Variants in MAS1 observed in about 807,000 individuals in gnomAD.
MAS1 encodes the protein proto-oncogene Mas.
For missense variants in MAS1, 387 were observed against 409.7 expected (o/e 0.94, Z 0.48); for synonymous variants, 163 against 164.2 (o/e 0.99, Z 0.05).
chr6:159,905,334 C>T (rs1368392467), intron 2 of MAS1, among the ~76,000 whole-genome samples: 1 of 152,206 alleles, frequency 6.6e-6, no homozygotes, highest in Admixed American at 6.5e-5. Flanking sequence ...GGCATGCGAG[C>T]TCTCATCCTG....
At chr6:159,892,544 T>C (rs1044851509) in intron 1 of MAS1, among the ~76,000 whole-genome samples, 2 of 152,118 alleles carry the variant, frequency 1.3e-5, no homozygotes, top group South Asian at 4.1e-4. Context: ...CTCAACTGAA[T>C]GGGAATGTGG....
At position 159,907,729 on chromosome 6, in the gene MAS1, T is replaced by G. The variant is rs377705823; in HGVS notation, c.774T>G (p.Phe258Leu). The change falls in exon 3 of 3, where the codon TTT becomes TTG. Residue 258 changes from phenylalanine to leucine, a missense_variant. Phe to Leu is a conservative substitution (Grantham distance 22). Coordinates refer to ENST00000674077, the MANE Select transcript of MAS1 (RefSeq NM_002377.4). ...TGTACTATGAGTATTGGTCGACCTT[T>G]GGGAACCTACACCACATTTCCCTGC... ...YLLYYEYWST[F>L]GNLHHISLLF... The G allele has an allele frequency of 6.2e-7, 1 of 1,613,542 alleles. No homozygotes were observed. Among genetic ancestry groups the G allele is most frequent in the African/African-American group, 1.3e-5 (1 of 74,748 alleles).
chr6:159,895,752 A>T (rs1782748179), intron 1 of MAS1, among the ~76,000 whole-genome samples: 1 of 152,242 alleles, frequency 6.6e-6, no homozygotes, highest in Non-Finnish European at 1.5e-5. Flanking sequence ...TGTGAAAAAA[A>T]CTTTATATAC....
Position 159,909,351 on chromosome 6 carries a change from G to T in MAS1, c.*1418G>T, listed in dbSNP as rs189767496. Reference sequence around the variant, plus strand: ...ATTTGCTCTTTAAAAGGTCAGAGAGGCAGTGATGTAATTGTTCTCTGTTGC... The same window carrying T: ...ATTTGCTCTTTAAAAGGTCAGAGAGTCAGTGATGTAATTGTTCTCTGTTGC... On this transcript the variant is annotated 3_prime_UTR_variant, in exon 3 of 3. Coordinates refer to ENST00000674077, the MANE Select transcript of MAS1 (RefSeq NM_002377.4). The T allele has an allele frequency of 6.6e-6, 1 of 152,228 alleles. No individual in the cohort carries two copies. The highest frequency in any genetic ancestry group is 2.4e-5 in the African/African-American group (1 of 41,456). 9.4% of individuals were successfully genotyped at this position (152,228 alleles called of 1,614,324 possible).
rs750651786 is a variant in MAS1 at position 159,911,207 on chromosome 6, C to A, written c.*3274C>A. The A allele has an allele frequency of 1.3e-5, 2 of 152,200 alleles. No individual in the cohort carries two copies. Among genetic ancestry groups the A allele is most frequent in the Non-Finnish European group, 2.9e-5 (2 of 68,102 alleles). The allele number at this position is 152,200 out of a possible 1,614,324, so 9.4% of individuals were successfully genotyped here. A position where few individuals can be genotyped will look rare whatever the true frequency, so the allele number is the denominator to read the frequency against. On this transcript the variant is annotated 3_prime_UTR_variant, in exon 3 of 3. Coordinates refer to ENST00000674077, the MANE Select transcript of MAS1 (RefSeq NM_002377.4). ...CAAATAGACATTTGCTGACCAGAAC[C>A]CTTTGCTGGGCTCCAGTCCTGTGTG...
rs912133340 is a variant in MAS1, at chr6:159,913,698, A to G, written c.*5765A>G. ...AGTCTCCTGAGACTTAGCTTTTCCT[A>G]AAGGCCAAAAATCAGCTATTGGGGT... On this transcript the variant is annotated 3_prime_UTR_variant, in exon 3 of 3. Coordinates refer to ENST00000674077, the MANE Select transcript of MAS1 (RefSeq NM_002377.4). 1.3e-5 allele frequency: 2 copies of G among 152,238 alleles called. No individual in the cohort carries two copies. The highest frequency in any genetic ancestry group is 4.8e-5 in the African/African-American group (2 of 41,462). 9.4% of individuals were successfully genotyped at this position (152,238 alleles called of 1,614,324 possible).
upstream of MAS1, among the ~76,000 whole-genome samples, chr6:159,890,188 T>C (rs1185399219): frequency 6.6e-6 from 1 of 151,978 alleles, no homozygotes; most frequent in Non-Finnish European, 1.5e-5. Flanking sequence ...ATTTGAAAAA[T>C]GGGTAACATA....
rs1251013253 is a variant in MAS1, at chr6:159,910,685, A to T, written c.*2752A>T. On this transcript the variant is annotated 3_prime_UTR_variant, in exon 3 of 3. Transcript: ENST00000674077. ...AAATAGACTCAAATTGCTTCCACCTAACCAGAAGCCATTCCTTGCCCCACA... is the reference window on the plus strand; with the variant it reads ...AAATAGACTCAAATTGCTTCCACCTTACCAGAAGCCATTCCTTGCCCCACA... 6.6e-6 allele frequency: 1 copy of T among 152,058 alleles called. No homozygotes were observed. Among genetic ancestry groups the T allele is most frequent in the African/African-American group, 2.4e-5 (1 of 41,392 alleles). The allele number at this position is 152,058 out of a possible 1,614,324, so 9.4% of individuals were successfully genotyped here.
Position 159,907,613 on chromosome 6 carries a change from G to A in MAS1, c.658G>A (p.Ala220Thr), listed in dbSNP as rs1413806643. ...LVVKIRKNTW[A>T]SHSSKLYIVI... The stretch of plus-strand genomic sequence containing the variant: ...CGTGAAGATCCGGAAGAACACGTGG[G>A]CTTCCCATTCCTCCAAGCTTTACAT... The change falls in exon 3 of 3, where the codon GCT becomes ACT. Residue 220 changes from alanine to threonine, a missense_variant. Physicochemically the swap from Ala to Thr is moderately conservative, Grantham distance 58. Transcript: ENST00000674077. The A allele has an allele frequency of 5.6e-6, 9 of 1,613,466 alleles. No homozygotes were observed. In the South Asian group the frequency reaches 6.6e-5, roughly 12 times the overall value.
chr6:159,905,364 C>A (rs976605693), intron 2 of MAS1, among the ~76,000 whole-genome samples: 1 of 152,188 alleles, frequency 6.6e-6, no homozygotes, highest in Non-Finnish European at 1.5e-5. Context: ...TTTTCCGGGT[C>A]TCTGTCTACT....
chr6:159,907,248 C>T lies in MAS1; in HGVS notation c.293C>T (p.Ser98Phe), dbSNP rs762016372. The T allele has an allele frequency of 6.2e-7, 1 of 1,614,204 alleles. No homozygotes were observed. The highest frequency in any genetic ancestry group is 1.3e-5 in the African/African-American group (1 of 75,034). The change falls in exon 3 of 3, where the codon TCT becomes TTT. Residue 98 changes from serine to phenylalanine, a missense_variant. Physicochemically the swap from Ser to Phe is radical, Grantham distance 155. Transcript: ENST00000674077. ...GACTATGCTTTAGATTATGAGCTTT[C>T]TTCTGGCCATTACTACACAATTGTC... ...SIDYALDYEL[S>F]SGHYYTIVTL...
upstream of MAS1, among the ~76,000 whole-genome samples, chr6:159,889,066 G>C (rs1252832348): frequency 6.6e-6 from 1 of 152,172 alleles, no homozygotes; most frequent in African/African-American, 2.4e-5. Flanking sequence ...TGGGGGCAAA[G>C]AGAGCCACCT....
rs1471151565 is a variant in MAS1, at chr6:159,909,999, TC to T, written c.*2069del. 1.3e-5 allele frequency: 2 copies of T among 152,180 alleles called. No homozygotes were observed. Among genetic ancestry groups the T allele is most frequent in the Non-Finnish European group, 2.9e-5 (2 of 68,024 alleles). 9.4% of individuals were successfully genotyped at this position (152,180 alleles called of 1,614,324 possible). ...TCTTTCTGTCTTCCCCCAAACCCAT[TC>T]CCAAAGTGAACTGTAAGGTTAAAAC... On this transcript the variant is annotated 3_prime_UTR_variant, in exon 3 of 3. Coordinates refer to ENST00000674077, the MANE Select transcript of MAS1 (RefSeq NM_002377.4).
At position 159,910,932 on chromosome 6, in the gene MAS1, G is replaced by A. The variant is rs761961352; in HGVS notation, c.*2999G>A. 6.6e-6 allele frequency: 1 copy of A among 152,118 alleles called. No individual in the cohort carries two copies. Among genetic ancestry groups the A allele is most frequent in the Non-Finnish European group, 1.5e-5 (1 of 68,046 alleles). The allele number at this position is 152,118 out of a possible 1,614,324, so 9.4% of individuals were successfully genotyped here. A position where few individuals can be genotyped will look rare whatever the true frequency, so the allele number is the denominator to read the frequency against. ...GCTGTTTTCTACCTATGCCTTTTGT[G>A]GCATTTAATACCCACAGTCTTCCTG... On this transcript the variant is annotated 3_prime_UTR_variant, in exon 3 of 3. Transcript: ENST00000674077.
At chr6:159,896,754 GA>G (rs1215497137) in intron 1 of MAS1, among the ~76,000 whole-genome samples, 2 of 152,176 alleles carry the variant, frequency 1.3e-5, no homozygotes, top group African/African-American at 4.8e-5. Flanking sequence ...CAAGACGGGG[GA>G]ATTGCAATAG....
chr6:159,908,083 T>A lies in MAS1; in HGVS notation c.*150T>A. 7.6e-6 allele frequency: 6 copies of A among 787,032 alleles called. No homozygotes were observed. Among genetic ancestry groups the A allele is most frequent in the Non-Finnish European group, 7.6e-6 (4 of 523,562 alleles). 48.8% of individuals were successfully genotyped at this position (787,032 alleles called of 1,614,324 possible). A position where few individuals can be genotyped will look rare whatever the true frequency, so the allele number is the denominator to read the frequency against. On this transcript the variant is annotated 3_prime_UTR_variant, in exon 3 of 3. Coordinates refer to ENST00000674077, the MANE Select transcript of MAS1 (RefSeq NM_002377.4). The stretch of plus-strand genomic sequence containing the variant: ...ATACTAATTAATGATGAAATTGAAC[T>A]CTTGTACTGTATCTTCTGGAAATGA...
intron 1 of MAS1, among the ~76,000 whole-genome samples, chr6:159,894,800 G>A (rs13217003): frequency 0.016 from 2,502 of 152,318 alleles, 42 homozygotes; most frequent in Non-Finnish European, 0.024. Flanking sequence ...GTGAAGCATG[G>A]TGTCCTTCAT....
intron 2 of MAS1, among the ~76,000 whole-genome samples, chr6:159,904,039 T>C (rs1782852896): frequency 6.6e-6 from 1 of 152,178 alleles, no homozygotes; most frequent in African/African-American, 2.4e-5. Flanking sequence ...TTGATTCCAC[T>C]TTCTTCCCCT....
Position 159,915,292 on chromosome 6 carries a change from T to C in MAS1, c.*7359T>C, listed in dbSNP as rs955260476. The C allele has an allele frequency of 1.3e-5, 2 of 152,370 alleles. No individual in the cohort carries two copies. Among genetic ancestry groups the C allele is most frequent in the East Asian group, 3.9e-4 (2 of 5,190 alleles). 9.4% of individuals were successfully genotyped at this position (152,370 alleles called of 1,614,324 possible). On this transcript the variant is annotated 3_prime_UTR_variant, in exon 3 of 3. Transcript: ENST00000674077. The stretch of plus-strand genomic sequence containing the variant: ...CACAAGTAGAATATACTTATGTGAC[T>C]ACCCGTACCCTTTCTCCAGCCTCCC...
Sources: gnomAD v4.1 joint callset for allele counts (sites outside exome capture counted in the v4.1 genomes callset) on GRCh38, gnomAD v4.1.1 for gene constraint, MANE v1.5 for transcripts, NCBI Gene and HGNC (gene_info 2026-07-23, HGNC 2026-07-21) for gene names.